Variants in DIAPH3 observed in about 807,000 individuals in gnomAD.
The protein encoded by DIAPH3 is protein diaphanous homolog 3.
Under a neutral mutation model 144.3 loss-of-function variants are expected in DIAPH3, and 117 were observed. That is an observed-to-expected ratio of 0.81 (90% CI 0.70 to 0.95). The LOEUF (loss-of-function observed/expected upper bound fraction) is 0.95, where lower values mean the gene tolerates loss of function less well. Among genes scored for constraint, DIAPH3 ranks in the 40% least tolerant of loss-of-function variants. DIAPH3 has a pLI of 0.00. For missense variants in DIAPH3, 1,421 were observed against 1,412.7 expected (o/e 1.01, Z -0.09); for synonymous variants, 519 against 488.9 (o/e 1.06, Z -0.81).
intron 4 of DIAPH3, among the ~76,000 whole-genome samples, chr13:60,065,069 T>C (rs1209994577): frequency 6.6e-6 from 1 of 151,900 alleles, no homozygotes; most frequent in African/African-American, 2.4e-5. Flanking sequence ...AAAAGTAACA[T>C]CAAAGATCAC....
intron 21 of DIAPH3, among the ~76,000 whole-genome samples, chr13:59,877,238 C>T (rs938689694): frequency 3.9e-5 from 6 of 152,140 alleles, no homozygotes; most frequent in Non-Finnish European, 7.4e-5. Flanking sequence ...ATGCCAGTAG[C>T]AATATCTCCC....
At position 59,810,892 on chromosome 13, in the gene DIAPH3, TCTC is replaced by T; in HGVS notation, c.3056_3058del (p.Arg1019_Glu1020delinsLys). 6.2e-7 allele frequency: 1 copy of T among 1,600,512 alleles called. No homozygotes were observed. Among genetic ancestry groups the T allele is most frequent in the Non-Finnish European group, 8.5e-7 (1 of 1,176,764 alleles). On this transcript the variant is annotated inframe_deletion, in exon 25 of 28. Transcript: ENST00000400324. Reference sequence around the variant, plus strand: ...GACACGTTTTTCTTTTTCCTCTGCTTCTCTTTTTTTGATATTCTCCTTTATTGC... The same window carrying T: ...GACACGTTTTTCTTTTTCCTCTGCTTTTTTTTTGATATTCTCCTTTATTGC...
At chr13:59,776,522 A>G (rs1240404890) in intron 25 of DIAPH3, among the ~76,000 whole-genome samples, 1 of 152,168 alleles carries the variant, frequency 6.6e-6, no homozygotes, top group East Asian at 1.9e-4. Flanking sequence ...AAAATCTAAA[A>G]TTACAATTTT....
intron 22 of DIAPH3, among the ~76,000 whole-genome samples, chr13:59,852,242 GACGATT>G (rs1412713867): frequency 6.6e-6 from 1 of 152,158 alleles, no homozygotes; most frequent in Non-Finnish European, 1.5e-5. Context: ...GGGGAGAAAG[GACGATT>G]ACCCAATATC....
chr13:59,787,210 A>T (rs1383268043), intron 25 of DIAPH3, among the ~76,000 whole-genome samples: 2 of 152,320 alleles, frequency 1.3e-5, no homozygotes, highest in Non-Finnish European at 2.9e-5. Flanking sequence ...GTAGAAGATT[A>T]AAAAAATGTG....
At chr13:59,787,248 C>T (rs953812435) in intron 25 of DIAPH3, among the ~76,000 whole-genome samples, 1 of 152,168 alleles carries the variant, frequency 6.6e-6, no homozygotes, top group Admixed American at 6.5e-5. Flanking sequence ...TAGCATTAGC[C>T]TATTTGGATC....
At chr13:60,007,114 C>T (rs2052926532) in intron 9 of DIAPH3, among the ~76,000 whole-genome samples, 1 of 151,816 alleles carries the variant, frequency 6.6e-6, no homozygotes, top group African/African-American at 2.4e-5. Flanking sequence ...TGCAGTGGCA[C>T]GATCTTGGCT....
intron 4 of DIAPH3, among the ~76,000 whole-genome samples, chr13:60,057,565 C>T (rs1392270618): frequency 1.3e-5 from 2 of 151,698 alleles, no homozygotes; most frequent in Non-Finnish European, 2.9e-5. Flanking sequence ...TATATGGAAC[C>T]AAAAAAGAGC....
At chr13:59,963,237 A>T (rs2049860187) in intron 17 of DIAPH3, among the ~76,000 whole-genome samples, 2 of 152,210 alleles carry the variant, frequency 1.3e-5, no homozygotes, top group South Asian at 4.1e-4. Context: ...ACATTATAAG[A>T]TCATATGCCC....
intron 3 of DIAPH3, among the ~76,000 whole-genome samples, chr13:60,102,192 A>G (rs2058289334): frequency 6.6e-6 from 1 of 152,170 alleles, no homozygotes; most frequent in Non-Finnish European, 1.5e-5. Flanking sequence ...TCCCACCTCA[A>G]GAAAGGGCAT....
chr13:59,950,630 C>A (rs1594100311), intron 17 of DIAPH3, among the ~76,000 whole-genome samples: 1 of 152,098 alleles, frequency 6.6e-6, no homozygotes, highest in South Asian at 2.1e-4. Context: ...AAGGAGATGA[C>A]ACATAAGCCA....
intron 4 of DIAPH3, among the ~76,000 whole-genome samples, chr13:60,070,410 G>A (rs562585449): frequency 9.3e-5 from 14 of 150,632 alleles, no homozygotes; most frequent in African/African-American, 3.4e-4. Flanking sequence ...TCTTTTGCCT[G>A]TGCTTAATTT....
At chr13:60,155,406 T>G (rs770166524) in intron 1 of DIAPH3, among the ~76,000 whole-genome samples, 2 of 152,104 alleles carry the variant, frequency 1.3e-5, no homozygotes, top group African/African-American at 2.4e-5. Context: ...ACTAAATGTA[T>G]CCCCCAAAAA....
At chr13:59,834,310 AT>A (rs1473645486) in intron 23 of DIAPH3, among the ~76,000 whole-genome samples, 7 of 151,778 alleles carry the variant, frequency 4.6e-5, no homozygotes, top group Non-Finnish European at 1.0e-4. Context: ...TTAAATTAAC[AT>A]TTAACGAAAT....
At chr13:59,969,372 G>A (rs2140558294) in intron 17 of DIAPH3, among the ~76,000 whole-genome samples, 1 of 152,184 alleles carries the variant, frequency 6.6e-6, no homozygotes, top group South Asian at 2.1e-4. Context: ...ATTAAATTAT[G>A]TGATAGTCAC....
At chr13:59,983,231 G>A (rs554749820) in intron 13 of DIAPH3, among the ~76,000 whole-genome samples, 15 of 149,636 alleles carry the variant, frequency 1.0e-4, no homozygotes, top group Middle Eastern at 3.5e-3. Context: ...AAGGCTTCGG[G>A]GGGGACAGGC....
intron 17 of DIAPH3, among the ~76,000 whole-genome samples, chr13:59,951,770 T>A (rs551818176): frequency 1.2e-4 from 19 of 152,100 alleles, no homozygotes; most frequent in Non-Finnish European, 2.2e-4. Context: ...ATAACAAGTG[T>A]GGGCAAGGAT....
chr13:59,836,800 C>T (rs1019235663), intron 23 of DIAPH3, among the ~76,000 whole-genome samples: 3 of 151,808 alleles, frequency 2.0e-5, no homozygotes, highest in Non-Finnish European at 4.4e-5. Context: ...ATATGTACCT[C>T]GATGAATAAG....
chr13:60,010,324 G>T (rs1042054028), intron 8 of DIAPH3, among the ~76,000 whole-genome samples: 1 of 152,028 alleles, frequency 6.6e-6, no homozygotes, highest in Non-Finnish European at 1.5e-5. Context: ...TTTCATAGAA[G>T]TATGTTAGAC....
Sources: gnomAD v4.1 joint callset for allele counts (sites outside exome capture counted in the v4.1 genomes callset) on GRCh38, gnomAD v4.1.1 for gene constraint, MANE v1.5 for transcripts, NCBI Gene and HGNC (gene_info 2026-07-23, HGNC 2026-07-21) for gene names.